Variants in KCNK5 observed in about 807,000 individuals in gnomAD.
The protein encoded by KCNK5 is potassium two pore domain channel subfamily K member 5.
In KCNK5, 18 loss-of-function variants were observed where a neutral mutation model predicts 32.9. The ratio of observed to expected loss-of-function variants is 0.55; its 90% CI spans 0.38 to 0.81. The LOEUF (loss-of-function observed/expected upper bound fraction) is 0.81. Among genes scored for constraint, KCNK5 ranks in the 30% least tolerant of loss-of-function variants. The pLI is 0.00. For synonymous variants in KCNK5, 276 were observed against 275.3 expected (o/e 1.00, Z -0.03); for missense variants, 507 against 651.0 (o/e 0.78, Z 2.41).
chr6:39,225,816 G>A (rs576183734), intron 1 of KCNK5, among the ~76,000 whole-genome samples: 3 of 152,228 alleles, frequency 2.0e-5, no homozygotes, highest in South Asian at 2.1e-4. Context: ...GCCCCTCCCC[G>A]TCCCGCCCCA....
Position 39,201,439 on chromosome 6 carries a change from C to T in KCNK5, c.187-5452G>A, listed in dbSNP as rs548990834. ...GCTAATTTTGTATTTTTAGTAGAGA[C>T]GGGGTTTCTCCATGTCGGTCAGGCT... On this transcript the variant is annotated intron_variant, in intron 1 of 4. Coordinates refer to ENST00000359534, the MANE Select transcript of KCNK5 (RefSeq NM_003740.4). Among the ~76,000 whole-genome samples, 102 of 152,078 alleles carry T rather than the reference C, an allele frequency of 6.7e-4. 2 individuals carry two copies. Among genetic ancestry groups the T allele is most frequent in the South Asian group, 2.1e-3 (10 of 4,802 alleles).
In KCNK5 at chr6:39,190,807, G is replaced by C; in HGVS notation, c.*83C>G. On this transcript the variant is annotated 3_prime_UTR_variant, in exon 5 of 5. Transcript: ENST00000359534. ...TTCCGAGGCTGCCCCCCCACCAGGG[G>C]CCAGGCGTCCCGGTCATCTCGGGAC... 5.2e-6 allele frequency: 7 copies of C among 1,342,268 alleles called. No individual in the cohort carries two copies. Among genetic ancestry groups the C allele is most frequent in the East Asian group, 5.3e-5 (2 of 37,726 alleles). 83.1% of individuals were successfully genotyped at this position (1,342,268 alleles called of 1,614,324 possible). A position where few individuals can be genotyped will look rare whatever the true frequency, so the allele number is the denominator to read the frequency against.
chr6:39,210,204 G>A (rs941012493), intron 1 of KCNK5, among the ~76,000 whole-genome samples: 5 of 152,126 alleles, frequency 3.3e-5, no homozygotes, highest in African/African-American at 1.2e-4. Flanking sequence ...AGGGAGGTCC[G>A]TCTCCCCTCA....
intron 1 of KCNK5, among the ~76,000 whole-genome samples, chr6:39,208,713 C>T (rs887897261): frequency 6.6e-6 from 1 of 152,220 alleles, no homozygotes; most frequent in Non-Finnish European, 1.5e-5. Context: ...AGATCCTGAA[C>T]GCAAACCCCA....
intron 1 of KCNK5, among the ~76,000 whole-genome samples, chr6:39,218,070 C>CA (rs1771471930): frequency 7.7e-6 from 1 of 130,382 alleles, no homozygotes; most frequent in Non-Finnish European, 1.6e-5. Context: ...ACTTACAGGC[C>CA]TTTTTTTTTT....
At position 39,194,411 on chromosome 6, in the gene KCNK5, G is replaced by A; in HGVS notation, c.466-74C>T. 1.3e-6 allele frequency: 2 copies of A among 1,521,594 alleles called. No homozygotes were observed. The highest frequency in any genetic ancestry group is 1.3e-5 in the South Asian group (1 of 77,694). 94.3% of individuals were successfully genotyped at this position (1,521,594 alleles called of 1,614,324 possible). A position where few individuals can be genotyped will look rare whatever the true frequency, so the allele number is the denominator to read the frequency against. ...CCCAGCAAAGGCACCCAGAGGGCCA[G>A]GGAGGCAGCTAGAGGAGAAGCTAGC... On this transcript the variant is annotated intron_variant, in intron 3 of 4. Transcript: ENST00000359534. The surrounding 1 kb of genome is among the most constrained non-coding windows in gnomAD (Gnocchi z 4.7).
At chr6:39,203,812 C>T (rs1406280328) in intron 1 of KCNK5, among the ~76,000 whole-genome samples, 1 of 152,250 alleles carries the variant, frequency 6.6e-6, no homozygotes, top group African/African-American at 2.4e-5. Context: ...TATGCAGGGG[C>T]TGCCCTAGTG....
rs982015326 is a variant in KCNK5 at position 39,189,822 on chromosome 6, T to A, written c.*1068A>T. The A allele has an allele frequency of 2.1e-4, 32 of 152,652 alleles. No individual in the cohort carries two copies. Among genetic ancestry groups the A allele is most frequent in the African/African-American group, 7.2e-4 (30 of 41,470 alleles). The allele number at this position is 152,652 out of a possible 1,614,324, so 9.5% of individuals were successfully genotyped here. Reference sequence around the variant, plus strand: ...CACTAGCTAGAGAAAGGAGCTTGATTCACATATCTGACCATCACCCATTTG... The same window carrying A: ...CACTAGCTAGAGAAAGGAGCTTGATACACATATCTGACCATCACCCATTTG... On this transcript the variant is annotated 3_prime_UTR_variant, in exon 5 of 5. Transcript: ENST00000359534.
At chr6:39,196,742 G>C (rs1771038166) in intron 1 of KCNK5, among the ~76,000 whole-genome samples, 1 of 152,226 alleles carries the variant, frequency 6.6e-6, no homozygotes, top group Non-Finnish European at 1.5e-5. Context: ...AGCTGTCTGG[G>C]AAGGGACAGA....
At chr6:39,217,127 A>AAAAAAAAC (rs1771453385) in intron 1 of KCNK5, among the ~76,000 whole-genome samples, 1 of 97,604 alleles carries the variant, frequency 1.0e-5, no homozygotes, top group South Asian at 4.0e-4. Context: ...TCAAAAAAAA[A>AAAAAAAAC]AAAAAAAAAA....
At chr6:39,204,781 G>A (rs1015019269) in intron 1 of KCNK5, among the ~76,000 whole-genome samples, 10 of 152,224 alleles carry the variant, frequency 6.6e-5, no homozygotes, top group Non-Finnish European at 1.3e-4. Flanking sequence ...ATGCACACAG[G>A]CAGAACTGTC....
At chr6:39,197,915 C>G (rs1251785189) in intron 1 of KCNK5, among the ~76,000 whole-genome samples, 2 of 152,220 alleles carry the variant, frequency 1.3e-5, no homozygotes, top group Admixed American at 1.3e-4. Flanking sequence ...GGAAAGATGT[C>G]AGAAGACAAG....
At chr6:39,201,936 C>T (rs1771139699) in intron 1 of KCNK5, among the ~76,000 whole-genome samples, 1 of 152,278 alleles carries the variant, frequency 6.6e-6, no homozygotes, top group South Asian at 2.1e-4. Context: ...GGGATGAGGG[C>T]CCAGGTGGCT....
At position 39,194,527 on chromosome 6, in the gene KCNK5, C is replaced by A. The variant is rs546912102; in HGVS notation, c.465+67G>T. On this transcript the variant is annotated intron_variant, in intron 3 of 4. Transcript: ENST00000359534. This position sits in a 1 kb window ranked among gnomAD's most constrained non-coding sequence, Gnocchi z 4.7. The stretch of plus-strand genomic sequence containing the variant: ...CACCCTTGGTCCAATTCCTAGAGGC[C>A]TCCTGTCCTCCCCTCACCTGTCATG... 2 of 1,564,718 alleles carry A rather than the reference C, an allele frequency of 1.3e-6. No individual in the cohort carries two copies. The highest frequency in any genetic ancestry group is 4.5e-5 in the East Asian group (2 of 44,556).
At position 39,190,988 on chromosome 6, in the gene KCNK5, A is replaced by T; in HGVS notation, c.1402T>A (p.Ser468Thr). ...TCAGTGCTGGTGAAGGTGGACTCGG[A>T]GGAGGAGGGGAACTCGCCCATGTTC... ...PLNMGEFPSSSESTFTSTESE... is the reference protein window; with the variant it reads ...PLNMGEFPSSTESTFTSTESE... Residue 468 changes from serine to threonine, a missense_variant, in exon 5 of 5, where the codon TCC becomes ACC. Physicochemically the swap from Ser to Thr is moderately conservative, Grantham distance 58. This residue lies in a region of KCNK5 where 252 missense variants were observed against 250.8 expected (regional missense o/e 1.00). Transcript: ENST00000359534. 6.4e-7 allele frequency: 1 copy of T among 1,567,610 alleles called. No individual in the cohort carries two copies. Among genetic ancestry groups the T allele is most frequent in the Non-Finnish European group, 8.6e-7 (1 of 1,158,496 alleles).
chr6:39,216,184 C>T (rs1029415399), intron 1 of KCNK5, among the ~76,000 whole-genome samples: 3 of 152,180 alleles, frequency 2.0e-5, no homozygotes, highest in African/African-American at 7.2e-5. Context: ...ACTCAGGAGG[C>T]TGAAACTGGA....
rs1465354556 is a variant in KCNK5 at position 39,191,666 on chromosome 6, C to G, written c.724G>C (p.Val242Leu). The part of the protein sequence containing the change: ...YLGLAWLSLF[V>L]NWKVSMFVEV... ...ACAAACATGCTCACCTTCCAGTTGA[C>G]AAAAAGGGACAGCCAGGCCAGCCCC... The change falls in exon 5 of 5, where the codon GTC becomes CTC. Residue 242 changes from valine to leucine, a missense_variant. Physicochemically the swap from Val to Leu is conservative, Grantham distance 32. Around this residue, in one of 6 missense-constraint regions of KCNK5, gnomAD observed 45 missense variants for 107.6 expected, o/e 0.42. Coordinates refer to ENST00000359534, the MANE Select transcript of KCNK5 (RefSeq NM_003740.4). This position sits in a 1 kb window ranked among gnomAD's most constrained non-coding sequence, Gnocchi z 5.8. The G allele has an allele frequency of 8.1e-6, 13 of 1,613,960 alleles. No individual in the cohort carries two copies. The highest frequency in any genetic ancestry group is 9.3e-6 in the Non-Finnish European group (11 of 1,180,014).
At chr6:39,200,951 C>T (rs1159011751) in intron 1 of KCNK5, among the ~76,000 whole-genome samples, 1 of 152,216 alleles carries the variant, frequency 6.6e-6, no homozygotes, top group African/African-American at 2.4e-5. Context: ...AAGGTGGGGG[C>T]TTCCCCTTTA....
chr6:39,202,940 AAC>A (rs1416193901), intron 1 of KCNK5, among the ~76,000 whole-genome samples: 4 of 152,196 alleles, frequency 2.6e-5, no homozygotes, highest in African/African-American at 7.2e-5. Context: ...TCTGTAAAAT[AAC>A]ACCTACTCTG....
Sources: gnomAD v4.1 joint callset for allele counts (sites outside exome capture counted in the v4.1 genomes callset) on GRCh38, gnomAD v4.1.1 for gene constraint, gnomAD v4.1.1 regional missense constraint, Gnocchi (gnomAD v3.1) non-coding constraint, MANE v1.5 for transcripts, NCBI Gene and HGNC (gene_info 2026-07-23, HGNC 2026-07-21) for gene names.